Variants in SLC16A7 observed in about 807,000 individuals in gnomAD.
The protein encoded by SLC16A7 is monocarboxylate transporter 2.
In SLC16A7, 33 loss-of-function variants were observed where a neutral mutation model predicts 34.9. The observed-to-expected ratio is 0.94, with a 90% confidence interval of 0.72 to 1.26. The LOEUF is 1.26. Ranked by LOEUF, SLC16A7 falls within the 50% of genes most tolerant of loss-of-function variation. The probability of loss-of-function intolerance (pLI) is 0.00; values close to 1 mark genes in which losing one functional copy is unlikely to be tolerated. For missense variants in SLC16A7, 573 were observed against 578.1 expected (o/e 0.99, Z 0.09); for synonymous variants, 201 against 206.6 (o/e 0.97, Z 0.23).
At chr12:59,625,846 G>A in intron 1 of SLC16A7, among the ~76,000 whole-genome samples, 1 of 151,312 alleles carries the variant, frequency 6.6e-6, no homozygotes. Context: ...TACACATGGA[G>A]GAAATAAAAA....
chr12:59,731,209 GA>G (rs1876914615), intron 3 of SLC16A7, among the ~76,000 whole-genome samples: 1 of 152,070 alleles, frequency 6.6e-6, no homozygotes, highest in Non-Finnish European at 1.5e-5. Context: ...AATCAAATAA[GA>G]AACTGCTCTT....
chr12:59,657,593 G>T (rs1325993850), intron 2 of SLC16A7, among the ~76,000 whole-genome samples: 3 of 151,998 alleles, frequency 2.0e-5, no homozygotes, highest in Non-Finnish European at 4.4e-5. Flanking sequence ...TGACTACTTT[G>T]GTCAGTGCCC....
chr12:59,602,133 T>A (rs1369301962), intron 1 of SLC16A7, among the ~76,000 whole-genome samples: 1 of 152,212 alleles, frequency 6.6e-6, no homozygotes, highest in Non-Finnish European at 1.5e-5. Flanking sequence ...ATCAGAGTAC[T>A]TTCAGAGTAC....
rs568956714 is a variant in SLC16A7, at chr12:59,788,452, A to G, written c.*8773A>G. 1.3e-5 allele frequency: 2 copies of G among 152,212 alleles called. No homozygotes were observed. The highest frequency in any genetic ancestry group is 2.9e-5 in the Non-Finnish European group (2 of 67,950). The allele number at this position is 152,212 out of a possible 1,614,324, so 9.4% of individuals were successfully genotyped here. A position where few individuals can be genotyped will look rare whatever the true frequency, so the allele number is the denominator to read the frequency against. On this transcript the variant is annotated 3_prime_UTR_variant, in exon 6 of 6. Transcript: ENST00000547379. The stretch of plus-strand genomic sequence containing the variant: ...GATCATATTGCCACATGGTCTATCA[A>G]CTATGGTTACTATGATAGTGAAATA...
intron 2 of SLC16A7, among the ~76,000 whole-genome samples, chr12:59,671,726 G>GTATATATAA (rs1869720767): frequency 3.5e-5 from 5 of 143,642 alleles, no homozygotes; most frequent in African/African-American, 1.3e-4. Context: ...GTATATATAT[G>GTATATATAA]TGTATATATG....
chr12:59,678,033 G>A (rs1333496944), intron 2 of SLC16A7, among the ~76,000 whole-genome samples: 1 of 152,190 alleles, frequency 6.6e-6, no homozygotes, highest in African/African-American at 2.4e-5. Context: ...CCAAGGGTGA[G>A]CCAGGTGTGG....
intron 2 of SLC16A7, among the ~76,000 whole-genome samples, chr12:59,668,996 C>T (rs1252329868): frequency 1.3e-5 from 2 of 152,124 alleles, no homozygotes; most frequent in Admixed American, 1.3e-4. Context: ...TTTGAGGCCT[C>T]TCCAGCCATG....
chr12:59,698,525 A>G (rs1382031139), intron 2 of SLC16A7, among the ~76,000 whole-genome samples: 1 of 151,844 alleles, frequency 6.6e-6, no homozygotes, highest in African/African-American at 2.4e-5. Context: ...GGAATGGCAG[A>G]GTCATGGCCT....
At chr12:59,709,721 G>A (rs565674969) in intron 3 of SLC16A7, among the ~76,000 whole-genome samples, 3 of 151,610 alleles carry the variant, frequency 2.0e-5, no homozygotes, top group Middle Eastern at 3.2e-3. Flanking sequence ...TCTATGCCAT[G>A]TTAGACTCTT....
intron 1 of SLC16A7, among the ~76,000 whole-genome samples, chr12:59,613,975 C>A (rs948607880): frequency 1.3e-4 from 19 of 151,366 alleles, no homozygotes; most frequent in Admixed American, 5.3e-4. Context: ...CCGAATGAAA[C>A]AAATTTGATA....
At chr12:59,609,858 A>C (rs1052750169) in intron 1 of SLC16A7, among the ~76,000 whole-genome samples, 1 of 152,164 alleles carries the variant, frequency 6.6e-6, no homozygotes, top group African/African-American at 2.4e-5. Context: ...AATCCAGTTT[A>C]TACACTCAGA....
intron 1 of SLC16A7, among the ~76,000 whole-genome samples, chr12:59,650,059 G>T (rs560870481): frequency 6.6e-6 from 1 of 151,928 alleles, no homozygotes; most frequent in Non-Finnish European, 1.5e-5. Flanking sequence ...AATATTTAGT[G>T]TTTAGGATTT....
chr12:59,767,739 A>G (rs1257936976), intron 3 of SLC16A7, among the ~76,000 whole-genome samples: 21 of 152,076 alleles, frequency 1.4e-4, no homozygotes, highest in Non-Finnish European at 1.5e-5. Context: ...AGAGATGTAC[A>G]AGGAGGTTAA....
At chr12:59,634,881 A>T (rs1335483667) in intron 1 of SLC16A7, among the ~76,000 whole-genome samples, 1 of 152,074 alleles carries the variant, frequency 6.6e-6, no homozygotes, top group Non-Finnish European at 1.5e-5. Context: ...TCCTAGATAT[A>T]AATTATATTG....
intron 1 of SLC16A7, among the ~76,000 whole-genome samples, chr12:59,602,388 C>T (rs1419302269): frequency 1.3e-5 from 2 of 150,960 alleles, no homozygotes; most frequent in Admixed American, 6.6e-5. Context: ...TATTTTGTTA[C>T]TTCTCTCACC....
At chr12:59,631,699 C>CCAATACACAA (rs1880190435) in intron 1 of SLC16A7, among the ~76,000 whole-genome samples, 1 of 151,936 alleles carries the variant, frequency 6.6e-6, no homozygotes, top group Admixed American at 6.6e-5. Flanking sequence ...CACCCTGGCC[C>CCAATACACAA]CAGTGTGTAT....
chr12:59,687,995 C>T (rs947909620), intron 2 of SLC16A7, among the ~76,000 whole-genome samples: 1 of 152,046 alleles, frequency 6.6e-6, no homozygotes, highest in Non-Finnish European at 1.5e-5. Flanking sequence ...TCAATTCACT[C>T]GTAAGTGTAT....
At chr12:59,753,217 C>G (rs1333919621) in intron 3 of SLC16A7, among the ~76,000 whole-genome samples, 4 of 152,162 alleles carry the variant, frequency 2.6e-5, no homozygotes, top group Admixed American at 6.5e-5. Context: ...AAATAACCAG[C>G]TAACATCATA....
At position 59,673,284 on chromosome 12, in the gene SLC16A7, A is replaced by G. The variant is rs116536753; in HGVS notation, c.-31+18034A>G. 2.6e-3 allele frequency among the ~76,000 whole-genome samples: 389 copies of G among 152,284 alleles called. 2 individuals are homozygous for G. The highest frequency in any genetic ancestry group is 0.017 in the Middle Eastern group (5 of 294). ...AAATTGATGAATTGGTTTTGGCATA[A>G]TAAATATTGAGCTGTTATTTTTGAC... On this transcript the variant is annotated intron_variant, in intron 2 of 5. Transcript: ENST00000547379.
Sources: gnomAD v4.1 joint callset for allele counts (sites outside exome capture counted in the v4.1 genomes callset) on GRCh38, gnomAD v4.1.1 for gene constraint, MANE v1.5 for transcripts, NCBI Gene and HGNC (gene_info 2026-07-23, HGNC 2026-07-21) for gene names.